Variants in ECT2L observed in about 807,000 individuals in gnomAD.
ECT2L encodes epithelial cell transforming 2 like, also known as epithelial cell-transforming sequence 2 oncogene-like.
Under a neutral mutation model 122.8 loss-of-function variants are expected in ECT2L, and 126 were observed. The ratio of observed to expected loss-of-function variants is 1.03; its 90% CI spans 0.89 to 1.19. The LOEUF (loss-of-function observed/expected upper bound fraction) is 1.19. Among genes scored for constraint, ECT2L ranks in the 50% most tolerant of loss-of-function variants. The pLI, the probability that ECT2L is intolerant of heterozygous loss-of-function variation, is 0.00. For missense variants in ECT2L, 1,012 were observed against 1,064.1 expected (o/e 0.95, Z 0.68); for synonymous variants, 385 against 381.8 (o/e 1.01, Z -0.10).
chr6:138,884,209 G>A (rs761680111), intron 16 of ECT2L, among the ~76,000 whole-genome samples: 27 of 152,114 alleles, frequency 1.8e-4, no homozygotes, highest in Non-Finnish European at 2.9e-5. Flanking sequence ...TATTTCACTT[G>A]GTCTTAGCCG....
intron 9 of ECT2L, among the ~76,000 whole-genome samples, chr6:138,850,798 T>A (rs987035150): frequency 2.0e-5 from 3 of 151,678 alleles, no homozygotes; most frequent in Non-Finnish European, 2.9e-5. Flanking sequence ...GGTCAGGAGT[T>A]CAAGACCAGC....
chr6:138,877,842 G>A (rs569573176), intron 14 of ECT2L, among the ~76,000 whole-genome samples: 3 of 152,246 alleles, frequency 2.0e-5, no homozygotes, highest in African/African-American at 4.8e-5. Context: ...GCTTGAGCCC[G>A]GGAGGTCGAG....
At chr6:138,836,289 CTTTT>C (rs138141444) in intron 4 of ECT2L, among the ~76,000 whole-genome samples, 3 of 123,652 alleles carry the variant, frequency 2.4e-5, no homozygotes, top group Admixed American at 8.3e-5. Context: ...ATTCATTAAT[CTTTT>C]TTTTTTTTTT....
intron 14 of ECT2L, among the ~76,000 whole-genome samples, chr6:138,878,734 A>G (rs902327669): frequency 6.6e-6 from 1 of 152,212 alleles, no homozygotes; most frequent in Non-Finnish European, 1.5e-5. Flanking sequence ...GGCATGAGCC[A>G]CCGCACGTGG....
chr6:138,854,254 A>G, intron 10 of ECT2L, 100 bp downstream of exon 10: 5 of 1,342,416 alleles, frequency 3.7e-6, no homozygotes, highest in Non-Finnish European at 5.0e-6. Context: ...ATTCAGTCAC[A>G]TTTCACGCTT....
intron 10 of ECT2L, among the ~76,000 whole-genome samples, chr6:138,856,147 G>A (rs534201396): frequency 2.6e-5 from 4 of 152,252 alleles, no homozygotes; most frequent in East Asian, 3.9e-4. Context: ...CTAAAATCTC[G>A]ATTTCAAGTA....
intron 14 of ECT2L, 67 bp from the exon 15 acceptor site, chr6:138,880,890 A>T: frequency 7.1e-7 from 1 of 1,418,154 alleles, no homozygotes; most frequent in Non-Finnish European, 9.8e-7. Context: ...GTCTCCGTGT[A>T]GCTGCCTGAC....
At chr6:138,826,671 G>C (rs1776464637) in intron 4 of ECT2L, among the ~76,000 whole-genome samples, 1 of 151,930 alleles carries the variant, frequency 6.6e-6, no homozygotes, top group Non-Finnish European at 1.5e-5. Context: ...TCAAAAAAAA[G>C]AAAACCAAAC....
At chr6:138,856,830 A>G (rs1198092827) in intron 10 of ECT2L, among the ~76,000 whole-genome samples, 1 of 152,208 alleles carries the variant, frequency 6.6e-6, no homozygotes, top group Non-Finnish European at 1.5e-5. Context: ...TGCAACACCG[A>G]TGAGCAATTT....
chr6:138,868,093 G>A lies in ECT2L; in HGVS notation c.1475-10G>A. The A allele has an allele frequency of 6.3e-7, 1 of 1,585,752 alleles. No homozygotes were observed. The highest frequency in any genetic ancestry group is 8.6e-7 in the Non-Finnish European group (1 of 1,163,908). ...AATCAATTACAGGGCATGTGGCCTT[G>A]TATTTACAGGGCAGTTTATGTTTGA... On this transcript the variant is annotated splice_polypyrimidine_tract_variant and intron_variant, in intron 12 of 21. Coordinates refer to ENST00000541398, the MANE Select transcript of ECT2L (RefSeq NM_001077706.3).
chr6:138,893,928 C>T (rs1779124967), intron 20 of ECT2L, among the ~76,000 whole-genome samples: 1 of 152,182 alleles, frequency 6.6e-6, no homozygotes, highest in Admixed American at 6.5e-5. Context: ...TCTGTAGCAG[C>T]CTATCATTCC....
In ECT2L at chr6:138,843,250, C is replaced by G; in HGVS notation, c.595+19C>G. The G allele has an allele frequency of 1.9e-6, 3 of 1,549,052 alleles. No homozygotes were observed. Among genetic ancestry groups the G allele is most frequent in the Non-Finnish European group, 2.6e-6 (3 of 1,145,424 alleles). On this transcript the variant is annotated intron_variant, in intron 6 of 21. Coordinates refer to ENST00000541398, the MANE Select transcript of ECT2L (RefSeq NM_001077706.3). ...CGTAAGAGTAAGTAGCATTTTAAAC[C>G]TTTATATCTTAGGTAAATATTGTAG...
At chr6:138,849,480 GT>G in intron 9 of ECT2L, 46 bp downstream of exon 9, 1 of 1,541,528 alleles carries the variant, frequency 6.5e-7, no homozygotes. Flanking sequence ...ACTTCGCGCT[GT>G]GCACTTTGTC....
chr6:138,830,159 T>G (rs1485112581), intron 4 of ECT2L, among the ~76,000 whole-genome samples: 2 of 152,216 alleles, frequency 1.3e-5, no homozygotes, highest in Admixed American at 1.3e-4. Flanking sequence ...TGTTTGATAA[T>G]ATTAAAAGAC....
At chr6:138,878,993 A>G (rs76662967) in intron 14 of ECT2L, 8,502 of 157,244 alleles carry the variant, frequency 0.054, 734 homozygotes, top group African/African-American at 0.19. Flanking sequence ...TTGAGAATGC[A>G]GTCTTGGTCT....
chr6:138,888,697 CTATCA>C (rs1472042689), intron 19 of ECT2L, among the ~76,000 whole-genome samples: 3 of 152,154 alleles, frequency 2.0e-5, no homozygotes, highest in Non-Finnish European at 4.4e-5. Context: ...ACAAATAAAA[CTATCA>C]TGTCAGCAGT....
chr6:138,836,059 T>C (rs946183611), intron 4 of ECT2L, among the ~76,000 whole-genome samples: 4 of 152,156 alleles, frequency 2.6e-5, no homozygotes, highest in African/African-American at 4.8e-5. Context: ...AGCGCGGAAA[T>C]GATGCTGTGT....
chr6:138,899,130 CA>C (rs1779310801), intron 20 of ECT2L, among the ~76,000 whole-genome samples: 1 of 148,740 alleles, frequency 6.7e-6, no homozygotes, highest in African/African-American at 2.5e-5. Flanking sequence ...TCGTTTGTTG[CA>C]ACATTCACAG....
intron 1 of ECT2L, among the ~76,000 whole-genome samples, chr6:138,804,384 G>A (rs1775645731): frequency 6.6e-6 from 1 of 152,066 alleles, no homozygotes; most frequent in Admixed American, 6.6e-5. Flanking sequence ...CTGTATACCT[G>A]GGTCTATTTT....
Sources: gnomAD v4.1 joint callset for allele counts (sites outside exome capture counted in the v4.1 genomes callset) on GRCh38, gnomAD v4.1.1 for gene constraint, MANE v1.5 for transcripts, NCBI Gene and HGNC (gene_info 2026-07-23, HGNC 2026-07-21) for gene names.